Variants in CD1B observed in about 807,000 individuals in gnomAD.
The protein encoded by CD1B is CD1b molecule, also known as T-cell surface glycoprotein CD1b.
In CD1B, 43 loss-of-function variants were observed where a neutral mutation model predicts 39.8. That is an observed-to-expected ratio of 1.08 (90% confidence interval 0.85 to 1.39). The LOEUF (loss-of-function observed/expected upper bound fraction) is 1.39, where lower values mean the gene tolerates loss of function less well. Ranked by LOEUF, CD1B falls within the 40% of genes most tolerant of loss-of-function variation. The pLI is 0.00. For missense variants in CD1B, 495 were observed against 403.8 expected, an observed-to-expected ratio of 1.23 and a Z score of -1.94; for synonymous variants, 192 against 152.5, an observed-to-expected ratio of 1.26 and a Z score of -1.91.
Position 158,329,933 on chromosome 1 carries a change from C to A in CD1B, c.526G>T (p.Val176Leu). 6.2e-7 allele frequency: 1 copy of A among 1,614,104 alleles called. No homozygotes were observed. The highest frequency in any genetic ancestry group is 1.1e-5 in the South Asian group (1 of 91,078). The change falls in exon 3 of 6, where the codon GTG becomes TTG. Residue 176 changes from valine (V) to leucine (L), a missense_variant. Physicochemically the swap from Val to Leu is conservative, Grantham distance 32. Coordinates refer to ENST00000368168, the MANE Select transcript of CD1B (RefSeq NM_001764.3). ...CAGGTTTCATAGAGGAGAATTCTCA[C>A]AGTTTCCATGATACCTTGATATTGT... is the stretch of plus-strand genomic sequence containing the variant. The part of the protein sequence containing the change: ...IIQYQGIMET[V>L]RILLYETCPR...
At chr1:158,307,185 A>C in the CD1B span, among the ~76,000 whole-genome samples, 4 of 152,188 alleles carry the variant, frequency 2.6e-5, no homozygotes, top group Non-Finnish European at 5.9e-5. Context: ...GACTGCTAGC[A>C]AGACTAATAC....
the CD1B span, among the ~76,000 whole-genome samples, chr1:158,317,096 C>G: frequency 6.6e-6 from 1 of 151,974 alleles, no homozygotes; most frequent in Non-Finnish European, 1.5e-5. Context: ...CAATGTTCAT[C>G]AAGGATATTG....
At chr1:158,318,588 G>A in the CD1B span, among the ~76,000 whole-genome samples, 1 of 152,252 alleles carries the variant, frequency 6.6e-6, no homozygotes, top group African/African-American at 2.4e-5. Context: ...CCTGAATACA[G>A]CACACTGATG....
At chr1:158,301,390 C>T in the CD1B span, among the ~76,000 whole-genome samples, 1 of 152,152 alleles carries the variant, frequency 6.6e-6, no homozygotes, top group Non-Finnish European at 1.5e-5. Context: ...CATCAATGGT[C>T]TTTACAATTT....
chr1:158,302,183 G>A, the CD1B span, among the ~76,000 whole-genome samples: 3 of 152,144 alleles, frequency 2.0e-5, no homozygotes, highest in Non-Finnish European at 4.4e-5. Flanking sequence ...ACAATTTCTG[G>A]TCCTGAAAGA....
chr1:158,288,761 A>G, the CD1B span, among the ~76,000 whole-genome samples: 1 of 152,324 alleles, frequency 6.6e-6, no homozygotes, highest in African/African-American at 2.4e-5. Flanking sequence ...GATTTAAGAA[A>G]CACTATAATA....
At chr1:158,307,805 C>A in the CD1B span, among the ~76,000 whole-genome samples, 1 of 152,078 alleles carries the variant, frequency 6.6e-6, no homozygotes. Context: ...TAAAAACTCT[C>A]AATAAATTAG....
chr1:158,309,275 C>T, the CD1B span, among the ~76,000 whole-genome samples: 4 of 152,290 alleles, frequency 2.6e-5, no homozygotes, highest in South Asian at 8.3e-4. Flanking sequence ...ATCAAAACCA[C>T]AATGAGATAC....
the CD1B span, chr1:158,293,728 A>G: frequency 7.7e-6 from 6 of 783,176 alleles, no homozygotes; most frequent in African/African-American, 8.7e-5. Flanking sequence ...CCCATACTGA[A>G]CCCAGAGAGC....
downstream of CD1B, among the ~76,000 whole-genome samples, chr1:158,327,066 G>A (rs1652380606): frequency 6.6e-6 from 1 of 152,120 alleles, no homozygotes; most frequent in African/African-American, 2.4e-5. Context: ...CAAAGTGCTG[G>A]GATTACAGGC....
the CD1B span, among the ~76,000 whole-genome samples, chr1:158,317,944 T>G: frequency 6.6e-6 from 1 of 152,206 alleles, no homozygotes; most frequent in East Asian, 1.9e-4. Flanking sequence ...CAGAAGCAGG[T>G]TGTTCAGTTT....
the CD1B span, among the ~76,000 whole-genome samples, chr1:158,320,887 T>C: frequency 6.6e-6 from 1 of 152,238 alleles, no homozygotes; most frequent in Admixed American, 6.5e-5. Context: ...TTTTGATTTT[T>C]AATTTTTTAA....
chr1:158,331,301 T>C, intron 1 of CD1B, 62 bp downstream of exon 1: 1 of 1,486,556 alleles, frequency 6.7e-7, no homozygotes, highest in South Asian at 1.1e-5. Context: ...AGGAAAGCCC[T>C]GCTTGCTTTT....
At chr1:158,300,385 G>C in the CD1B span, among the ~76,000 whole-genome samples, 38 of 152,264 alleles carry the variant, frequency 2.5e-4, no homozygotes, top group Admixed American at 2.5e-3. Flanking sequence ...TTGCTGAGGA[G>C]TGCTTTACTT....
chr1:158,296,558 A>G, the CD1B span, among the ~76,000 whole-genome samples: 4 of 152,218 alleles, frequency 2.6e-5, no homozygotes, highest in African/African-American at 7.2e-5. Context: ...TTACTTCCAA[A>G]TGAACACACT....
At chr1:158,293,187 C>G in the CD1B span, 1 of 1,548,868 alleles carries the variant, frequency 6.5e-7, no homozygotes, top group Non-Finnish European at 8.9e-7. Flanking sequence ...AAAATGGCAT[C>G]CATGTATCTT....
chr1:158,330,928 T>C lies in CD1B; in HGVS notation c.196A>G (p.Ile66Val), dbSNP rs1652576841. 1 of 1,614,164 alleles carries C rather than the reference T, an allele frequency of 6.2e-7. No homozygotes were observed. The change falls in exon 2 of 6, where the codon ATA (isoleucine) becomes GTA (valine). Residue 66 changes from isoleucine (I) to valine (V), a missense_variant. By Grantham distance (29) the Ile-to-Val change is conservative (BLOSUM62 3). Coordinates refer to ENST00000368168, the MANE Select transcript of CD1B (RefSeq NM_001764.3). Reference sequence around the variant, plus strand: ...CCTTTAGACCAAGGCTTCAGGAATATGGCAGTGCCTGAGTCGCTATCCCAG... The same window carrying C: ...CCTTTAGACCAAGGCTTCAGGAATACGGCAGTGCCTGAGTCGCTATCCCAG... ...HGWDSDSGTA[I>V]FLKPWSKGNF... is the part of the protein sequence containing the mutation.
At chr1:158,301,495 T>C in the CD1B span, among the ~76,000 whole-genome samples, 1 of 152,166 alleles carries the variant, frequency 6.6e-6, no homozygotes, top group African/African-American at 2.4e-5. Flanking sequence ...GGTGACAAAA[T>C]CTCTTAGCAT....
intron 4 of CD1B, 58 bp from the exon 5 acceptor site, chr1:158,329,072 T>C (rs1652474201): frequency 7.0e-7 from 1 of 1,427,220 alleles, no homozygotes; most frequent in Non-Finnish European, 9.7e-7. Flanking sequence ...CAGAATTCCT[T>C]GGCCTTCCTT....
Sources: gnomAD v4.1 joint callset for allele counts (sites outside exome capture counted in the v4.1 genomes callset) on GRCh38, gnomAD v4.1.1 for gene constraint, MANE v1.5 for transcripts, NCBI Gene and HGNC (gene_info 2026-07-23, HGNC 2026-07-21) for gene names.